The following SYT1 variants were observed in gnomAD, a reference collection of about 807,000 sequenced individuals.
SYT1 encodes synaptotagmin 1, also known as synaptotagmin-1.
In SYT1, 8 loss-of-function variants were observed where a neutral mutation model predicts 44.8. The observed-to-expected ratio is 0.18, with a 90% CI of 0.10 to 0.32. The LOEUF is 0.32. SYT1 is among the 10% of genes least tolerant of loss of function. The pLI is 1.00. For missense variants in SYT1, 286 were observed against 509.3 expected (o/e 0.56, Z 4.22); for synonymous variants, 154 against 188.8 (o/e 0.82, Z 1.51).
At chr12:79,365,031 C>T (rs753494211) in intron 9 of SYT1, among the ~76,000 whole-genome samples, 1 of 151,938 alleles carries the variant, frequency 6.6e-6, no homozygotes, top group Non-Finnish European at 1.5e-5. Context: ...AATCCACAAC[C>T]CCACCACTTC....
At chr12:78,988,305 A>T (rs1355350004) in intron 2 of SYT1, among the ~76,000 whole-genome samples, 2 of 151,046 alleles carry the variant, frequency 1.3e-5, no homozygotes, top group African/African-American at 4.9e-5. Context: ...TATCTATGTT[A>T]TATACTATGT....
chr12:79,091,551 T>G (rs1208916662), intron 3 of SYT1, among the ~76,000 whole-genome samples: 2 of 152,006 alleles, frequency 1.3e-5, no homozygotes, highest in African/African-American at 2.4e-5. Flanking sequence ...TTATTGTGAT[T>G]TATCTGGAGT....
chr12:79,021,231 G>T (rs535136407), intron 2 of SYT1, among the ~76,000 whole-genome samples: 2 of 151,812 alleles, frequency 1.3e-5, no homozygotes, highest in Non-Finnish European at 2.9e-5. Flanking sequence ...TGCACATTTG[G>T]CTAGGAGACA....
chr12:79,399,683 A>G (rs1885004194), intron 9 of SYT1, among the ~76,000 whole-genome samples: 1 of 152,214 alleles, frequency 6.6e-6, no homozygotes. Context: ...ATTACAGAGT[A>G]AAGAAGTAGC....
At chr12:78,920,917 G>T (rs955746528) in intron 1 of SYT1, among the ~76,000 whole-genome samples, 63 of 151,952 alleles carry the variant, frequency 4.1e-4, no homozygotes, top group African/African-American at 1.4e-3. Context: ...TTAATACTAA[G>T]ATCCAGTCCT....
intron 2 of SYT1, chr12:79,045,945 G>C (rs1450227604): frequency 6.6e-6 from 1 of 152,008 alleles, no homozygotes; most frequent in African/African-American, 2.4e-5. Flanking sequence ...CTGTGTCACT[G>C]TTTACCTTAA....
chr12:79,401,003 C>T (rs1241402808), intron 9 of SYT1, among the ~76,000 whole-genome samples: 2 of 152,172 alleles, frequency 1.3e-5, no homozygotes, highest in African/African-American at 4.8e-5. Context: ...CTCTATTGAA[C>T]AATATGATCT....
chr12:79,075,323 C>T (rs1286929690), intron 3 of SYT1, among the ~76,000 whole-genome samples: 2 of 152,156 alleles, frequency 1.3e-5, no homozygotes, highest in African/African-American at 4.8e-5. Flanking sequence ...ATACTCACTA[C>T]AACTTCTCTC....
chr12:79,391,767 GATTT>G (rs1884666321), intron 9 of SYT1, among the ~76,000 whole-genome samples: 1 of 152,122 alleles, frequency 6.6e-6, no homozygotes, highest in Admixed American at 6.5e-5. Flanking sequence ...GGAATAAATA[GATTT>G]ATTTTTGTTC....
intron 1 of SYT1, among the ~76,000 whole-genome samples, chr12:78,865,516 G>GGGGA (rs1304885356): frequency 6.6e-6 from 1 of 151,940 alleles, no homozygotes; most frequent in Non-Finnish European, 1.5e-5. Context: ...GAGGAAAGAG[G>GGGGA]GGGAGTGAAG....
At chr12:79,371,476 G>A (rs1023772684) in intron 9 of SYT1, among the ~76,000 whole-genome samples, 3 of 152,152 alleles carry the variant, frequency 2.0e-5, no homozygotes, top group East Asian at 3.9e-4. Context: ...AAATCCCTGC[G>A]ACTTCATAAA....
chr12:78,873,182 CAATT>C (rs1341796492), intron 1 of SYT1, among the ~76,000 whole-genome samples: 1 of 151,572 alleles, frequency 6.6e-6, no homozygotes, highest in Non-Finnish European at 1.5e-5. Flanking sequence ...TACTTGCCTG[CAATT>C]ACACATTTAG....
At chr12:79,171,803 C>T (rs1462704822) in intron 3 of SYT1, among the ~76,000 whole-genome samples, 1 of 151,944 alleles carries the variant, frequency 6.6e-6, no homozygotes, top group Non-Finnish European at 1.5e-5. Context: ...ACCTCAGTCT[C>T]CTCAGCTCTC....
chr12:79,115,534 C>T (rs1449954265), intron 3 of SYT1, among the ~76,000 whole-genome samples: 2 of 152,136 alleles, frequency 1.3e-5, no homozygotes, highest in African/African-American at 2.4e-5. Context: ...TCATTTTCAT[C>T]TGAAAGACAG....
intron 4 of SYT1, among the ~76,000 whole-genome samples, chr12:79,268,387 C>T (rs1414121686): frequency 6.6e-6 from 1 of 151,970 alleles, no homozygotes; most frequent in African/African-American, 2.4e-5. Context: ...AATCATTAAC[C>T]CTTTAATTTG....
chr12:79,311,245 C>T (rs1373293799), intron 8 of SYT1, among the ~76,000 whole-genome samples: 1 of 152,108 alleles, frequency 6.6e-6, no homozygotes, highest in Non-Finnish European at 1.5e-5. Flanking sequence ...GACATTTATG[C>T]AGCCAAAAAA....
chr12:79,207,590 C>A (rs1592853025), intron 3 of SYT1, among the ~76,000 whole-genome samples: 2 of 151,962 alleles, frequency 1.3e-5, no homozygotes, highest in East Asian at 3.9e-4. Flanking sequence ...TGTTCAGCTC[C>A]CACTTATGAG....
chr12:79,178,674 C>A (rs1423763644), intron 3 of SYT1, among the ~76,000 whole-genome samples: 2 of 151,768 alleles, frequency 1.3e-5, no homozygotes, highest in African/African-American at 4.8e-5. Flanking sequence ...GTTATACCTC[C>A]AAGTCAAATC....
chr12:79,323,807 A>G (rs1484879805), intron 8 of SYT1, among the ~76,000 whole-genome samples: 1 of 148,932 alleles, frequency 6.7e-6, no homozygotes, highest in Non-Finnish European at 1.5e-5. Flanking sequence ...GCAAAATATA[A>G]AATTATATAT....
Sources: gnomAD v4.1 joint callset for allele counts (sites outside exome capture counted in the v4.1 genomes callset) on GRCh38, gnomAD v4.1.1 for gene constraint, MANE v1.5 for transcripts, NCBI Gene and HGNC (gene_info 2026-07-23, HGNC 2026-07-21) for gene names.